The following MRPS6 variants were observed in gnomAD, a reference collection of about 807,000 sequenced individuals.
MRPS6 encodes the protein mitochondrial ribosomal protein S6.
Under a neutral mutation model 13.1 loss-of-function variants are expected in MRPS6, and 6 were observed. The ratio of observed to expected loss-of-function variants is 0.46; its 90% CI spans 0.25 to 0.91. The LOEUF is 0.91. MRPS6 is among the 40% of genes least tolerant of loss of function. The pLI, the probability that MRPS6 is intolerant of heterozygous loss-of-function variation, is 0.18. For synonymous variants in MRPS6, 61 were observed against 56.5 expected, an observed-to-expected ratio of 1.08 and a Z score of -0.36; for missense variants, 164 against 155.6, an observed-to-expected ratio of 1.05 and a Z score of -0.29.
rs566904733 is a variant in MRPS6, at chr21:34,117,762, C to G, written c.46-7579C>G. On this transcript the variant is annotated intron_variant, in intron 1 of 2. Coordinates refer to ENST00000399312, the MANE Select transcript of MRPS6 (RefSeq NM_032476.4). ...AGATCATTCACTTTGCCCTTTCACT[C>G]CACATGCAGGTGTCAGGATGTATGT... Among the ~76,000 whole-genome samples, 29 of 152,248 alleles carry G rather than the reference C, an allele frequency of 1.9e-4. No individual in the cohort carries two copies. The South Asian group carries it at 5.8e-3, about 30-fold the overall frequency.
chr21:34,134,448 C>T (rs1385084389), intron 2 of MRPS6, among the ~76,000 whole-genome samples: 1 of 152,202 alleles, frequency 6.6e-6, no homozygotes, highest in Non-Finnish European at 1.5e-5. Flanking sequence ...AGCTCATTGA[C>T]CAAGTCCTGC....
At chr21:34,126,338 C>A (rs538204437) in intron 2 of MRPS6, among the ~76,000 whole-genome samples, 1 of 152,342 alleles carries the variant, frequency 6.6e-6, no homozygotes, top group South Asian at 2.1e-4. Context: ...GTCGAGCTGT[C>A]TTGTGCAGGT....
At chr21:34,128,367 G>A (rs1028569292) in intron 2 of MRPS6, among the ~76,000 whole-genome samples, 3 of 151,736 alleles carry the variant, frequency 2.0e-5, no homozygotes, top group South Asian at 2.1e-4. Context: ...AGCCCCCTCC[G>A]CCCCCCAAAT....
At chr21:34,077,867 C>A (rs943596155) in intron 1 of MRPS6, among the ~76,000 whole-genome samples, 12 of 152,142 alleles carry the variant, frequency 7.9e-5, no homozygotes, top group Non-Finnish European at 1.8e-4. Flanking sequence ...TCTCTAAATG[C>A]AAGCCTTTTT....
At chr21:34,097,534 T>C in intron 1 of MRPS6, 2 of 1,382,618 alleles carry the variant, frequency 1.4e-6, no homozygotes, top group Non-Finnish European at 9.4e-7. Flanking sequence ...TTAAAGTAAA[T>C]CTTCAACTTA....
At chr21:34,097,763 A>G in intron 1 of MRPS6, 1 of 1,003,786 alleles carries the variant, frequency 1.0e-6, no homozygotes. Flanking sequence ...TGTCTCTGTA[A>G]TCCCTCCTAC....
chr21:34,087,920 G>A (rs1278159272), intron 1 of MRPS6, among the ~76,000 whole-genome samples: 2 of 152,214 alleles, frequency 1.3e-5, no homozygotes, highest in African/African-American at 4.8e-5. Context: ...TGGGTTGAGG[G>A]AGAAAGTGAG....
intron 1 of MRPS6, among the ~76,000 whole-genome samples, chr21:34,079,231 A>G (rs1989403251): frequency 6.6e-6 from 1 of 152,210 alleles, no homozygotes; most frequent in African/African-American, 2.4e-5. Flanking sequence ...GAATTTCATA[A>G]AACTTTCACA....
At chr21:34,092,568 G>C (rs1228807873) in intron 1 of MRPS6, among the ~76,000 whole-genome samples, 1 of 152,212 alleles carries the variant, frequency 6.6e-6, no homozygotes, top group Non-Finnish European at 1.5e-5. Context: ...ACTTCATGCA[G>C]TTTGAGCATT....
chr21:34,089,317 C>T (rs1978562717), intron 1 of MRPS6, among the ~76,000 whole-genome samples: 1 of 151,916 alleles, frequency 6.6e-6, no homozygotes, highest in Non-Finnish European at 1.5e-5. Context: ...CACGCCCAGC[C>T]TGTTATTTCA....
chr21:34,104,203 C>G, intron 1 of MRPS6: 2 of 999,972 alleles, frequency 2.0e-6, no homozygotes, highest in African/African-American at 1.7e-5. Context: ...CAGACTAATT[C>G]TGAAGCATAT....
chr21:34,081,120 G>A (rs1989449272), intron 1 of MRPS6, among the ~76,000 whole-genome samples: 1 of 152,138 alleles, frequency 6.6e-6, no homozygotes. Context: ...ATAACTCAAA[G>A]TTTGGGAAGA....
intron 1 of MRPS6, chr21:34,105,186 G>GT (rs1979421319): frequency 1.0e-6 from 1 of 1,000,138 alleles, no homozygotes; most frequent in Non-Finnish European, 1.2e-6. Context: ...TTTATAGATT[G>GT]CCAGCAGAGT....
At chr21:34,080,929 G>A (rs1989445045) in intron 1 of MRPS6, among the ~76,000 whole-genome samples, 1 of 152,210 alleles carries the variant, frequency 6.6e-6, no homozygotes, top group Non-Finnish European at 1.5e-5. Context: ...CAGAAGTTGT[G>A]TTGATTTCCA....
rs535704229 is a variant in MRPS6, at chr21:34,103,033, A to G, written c.46-22308A>G. The G allele has an allele frequency of 9.5e-5, 95 of 1,000,044 alleles. 2 individuals carry two copies. The South Asian group carries it at 3.7e-3, about 39-fold the overall frequency. 61.9% of individuals were successfully genotyped at this position (1,000,044 alleles called of 1,614,324 possible). On this transcript the variant is annotated intron_variant, in intron 1 of 2. Coordinates refer to ENST00000399312, the MANE Select transcript of MRPS6 (RefSeq NM_032476.4). ...GTCTAGATAAGTTTTCAATTTATCAACATAGCCTAGACTTCTGTAAGTGGA... is the reference window on the plus strand; with the variant it reads ...GTCTAGATAAGTTTTCAATTTATCAGCATAGCCTAGACTTCTGTAAGTGGA...
intron 1 of MRPS6, among the ~76,000 whole-genome samples, chr21:34,085,109 T>C (rs2148654963): frequency 6.6e-6 from 1 of 152,356 alleles, no homozygotes; most frequent in East Asian, 1.9e-4. Context: ...TTTTAGTGTT[T>C]TAATTCAGTA....
intron 1 of MRPS6, among the ~76,000 whole-genome samples, chr21:34,107,057 G>A (rs938100567): frequency 6.6e-6 from 1 of 151,922 alleles, no homozygotes; most frequent in Non-Finnish European, 1.5e-5. Flanking sequence ...TCAACCTCTT[G>A]GGTAACTGGG....
At chr21:34,083,794 A>G (rs1989510754) in intron 1 of MRPS6, among the ~76,000 whole-genome samples, 1 of 152,150 alleles carries the variant, frequency 6.6e-6, no homozygotes, top group Admixed American at 6.5e-5. Flanking sequence ...GATTTTGCAA[A>G]TTTTGTGTGT....
chr21:34,112,570 C>T (rs1014462712), intron 1 of MRPS6, among the ~76,000 whole-genome samples: 15 of 152,114 alleles, frequency 9.9e-5, no homozygotes, highest in African/African-American at 3.6e-4. Flanking sequence ...CCCCAATTCT[C>T]CCTCCCCACA....
Sources: allele counts gnomAD v4.1 joint callset (sites outside exome capture counted in the v4.1 genomes callset), GRCh38; gene constraint gnomAD v4.1.1; transcripts MANE v1.5; gene names NCBI Gene and HGNC (gene_info 2026-07-23, HGNC 2026-07-21).